Variants in GFRA1 observed in about 807,000 individuals in gnomAD.
GFRA1 encodes the protein GDNF family receptor alpha-1.
GFRA1 carries 16 observed loss-of-function variants against 51.6 expected under a neutral mutation model. The ratio of observed to expected loss-of-function variants is 0.31; its 90% CI spans 0.21 to 0.47. The LOEUF is 0.47. Ranked by LOEUF, GFRA1 falls within the 20% of genes least tolerant of loss-of-function variation. The probability of loss-of-function intolerance (pLI) is 1.00; values close to 1 mark genes in which losing one functional copy is unlikely to be tolerated. For synonymous variants in GFRA1, 270 were observed against 241.3 expected (o/e 1.12, Z -1.10); for missense variants, 530 against 594.3 (o/e 0.89, Z 1.13).
chr10:116,176,722 CTCCCTCCT>C (rs1374745606), intron 5 of GFRA1, among the ~76,000 whole-genome samples: 298 of 130,040 alleles, frequency 2.3e-3, no homozygotes, highest in South Asian at 4.0e-3. Flanking sequence ...CCCTCCCTCC[CTCCCTCCT>C]TCCTTCCTTC....
At chr10:116,163,938 T>C (rs1960106569) in intron 5 of GFRA1, among the ~76,000 whole-genome samples, 1 of 152,122 alleles carries the variant, frequency 6.6e-6, no homozygotes, top group African/African-American at 2.4e-5. Flanking sequence ...TCTTGCGCAA[T>C]GTCAGCAAGT....
Position 116,062,091 on chromosome 10 carries a change from T to C in GFRA1, c.*2307A>G, listed in dbSNP as rs1589755514. On this transcript the variant is annotated 3_prime_UTR_variant, in exon 11 of 11. Coordinates refer to ENST00000355422, the MANE Select transcript of GFRA1 (RefSeq NM_005264.8). ...TATATATTGCCTACCCATGCATTCT[T>C]CAATGAAGGCTGCCCTTGTTAGCGC... 4 of 398,622 alleles carry C rather than the reference T, an allele frequency of 1.0e-5. No individual in the cohort carries two copies. The East Asian group carries it at 1.4e-4, about 14-fold the overall frequency. 24.7% of individuals were successfully genotyped at this position (398,622 alleles called of 1,614,324 possible). A position where few individuals can be genotyped will look rare whatever the true frequency, so the allele number is the denominator to read the frequency against.
intron 5 of GFRA1, among the ~76,000 whole-genome samples, chr10:116,148,340 T>C (rs1958921426): frequency 6.6e-6 from 1 of 152,062 alleles, no homozygotes; most frequent in South Asian, 2.1e-4. Flanking sequence ...TTCCCATAGC[T>C]GGAAGCATGT....
At chr10:116,119,922 T>C (rs149667232) in intron 6 of GFRA1, among the ~76,000 whole-genome samples, 1,567 of 152,354 alleles carry the variant, frequency 0.01, 13 homozygotes, top group Non-Finnish European at 0.013. Context: ...ACCCCCAGTG[T>C]GGCAAATGTG....
intron 4 of GFRA1, among the ~76,000 whole-genome samples, chr10:116,235,160 T>C (rs1966852742): frequency 6.6e-6 from 1 of 152,174 alleles, no homozygotes. Context: ...CAGGAATATC[T>C]GTGCCTCTCT....
chr10:116,115,282 G>A (rs1426004817), intron 6 of GFRA1, among the ~76,000 whole-genome samples: 1 of 152,106 alleles, frequency 6.6e-6, no homozygotes, highest in Admixed American at 6.6e-5. Context: ...GTCTCCCTGG[G>A]TGGAGCAGGA....
chr10:116,068,586 T>G (rs1955227108), intron 9 of GFRA1, among the ~76,000 whole-genome samples: 1 of 152,174 alleles, frequency 6.6e-6, no homozygotes, highest in South Asian at 2.1e-4. Context: ...GCTAGTTGCA[T>G]GCTTATGAGT....
In GFRA1 at chr10:116,196,871, G is replaced by A. The variant is rs74788808; in HGVS notation, c.433+14760C>T. 9.8e-3 allele frequency among the ~76,000 whole-genome samples: 1,247 copies of A among 127,342 alleles called. 30 individuals carry two copies. The highest frequency in any genetic ancestry group is 0.036 in the African/African-American group (1,199 of 33,718). The allele number at this position is 127,342 out of a possible 152,430, so 83.5% of individuals were successfully genotyped here. ...TATTTTTTTTCCCTCCCACAGTTCT[G>A]GAGTCCAGAAGATCAAAATTAAGGT... On this transcript the variant is annotated intron_variant, in intron 5 of 10. Transcript: ENST00000355422.
At chr10:116,079,837 G>C (rs1278457472) in intron 9 of GFRA1, among the ~76,000 whole-genome samples, 1 of 152,156 alleles carries the variant, frequency 6.6e-6, no homozygotes, top group Non-Finnish European at 1.5e-5. Flanking sequence ...CCCACCCTCA[G>C]CAGAGAATAC....
intron 8 of GFRA1, among the ~76,000 whole-genome samples, chr10:116,092,132 C>CACACACAT (rs1956373497): frequency 6.6e-6 from 1 of 151,148 alleles, no homozygotes; most frequent in Non-Finnish European, 1.5e-5. Flanking sequence ...CACACACACA[C>CACACACAT]ACACACATTT....
chr10:116,215,855 G>A (rs74160655), intron 4 of GFRA1, among the ~76,000 whole-genome samples: 10 of 152,140 alleles, frequency 6.6e-5, no homozygotes, highest in African/African-American at 2.4e-4. Context: ...ACAAAGGAAA[G>A]CCTGTTCTCC....
At position 116,216,548 on chromosome 10, in the gene GFRA1, C is replaced by G. The variant is rs147759051; in HGVS notation, c.419-4903G>C. Among the ~76,000 whole-genome samples the G allele has an allele frequency of 7.2e-3, 1,093 of 152,312 alleles. 6 individuals are homozygous for G. Among genetic ancestry groups the G allele is most frequent in the Admixed American group, 0.01 (160 of 15,306 alleles). ...AGGTATGGCAAACAGTGAAACTGTG[C>G]GTGACTTCCATAAAACTGGGGGTGG... On this transcript the variant is annotated intron_variant, in intron 4 of 10. Coordinates refer to ENST00000355422, the MANE Select transcript of GFRA1 (RefSeq NM_005264.8).
At chr10:116,096,598 G>C in intron 7 of GFRA1, 57 bp downstream of exon 7, 1 of 925,024 alleles carries the variant, frequency 1.1e-6, no homozygotes, top group Non-Finnish European at 1.8e-6. Context: ...GCAATGGAAA[G>C]AACGCAGGTA....
chr10:116,258,289 TAGAG>T (rs942748105), intron 4 of GFRA1, among the ~76,000 whole-genome samples: 12 of 150,630 alleles, frequency 8.0e-5, no homozygotes, highest in East Asian at 3.9e-4. Flanking sequence ...TGAAAACTGA[TAGAG>T]ACTCTAAAAA....
At chr10:116,220,958 CTCTT>C (rs1187211199) in intron 4 of GFRA1, among the ~76,000 whole-genome samples, 1 of 152,164 alleles carries the variant, frequency 6.6e-6, no homozygotes, top group Non-Finnish European at 1.5e-5. Flanking sequence ...TTCTTTCTCT[CTCTT>C]TCTCTCTAAC....
intron 6 of GFRA1, among the ~76,000 whole-genome samples, chr10:116,116,008 C>T (rs371210975): frequency 4.2e-4 from 64 of 152,254 alleles, no homozygotes; most frequent in African/African-American, 1.3e-3. Flanking sequence ...CTTTGAGTAC[C>T]CCCGCCCACC....
At chr10:116,212,642 T>C (rs1445757774) in intron 4 of GFRA1, among the ~76,000 whole-genome samples, 1 of 152,048 alleles carries the variant, frequency 6.6e-6, no homozygotes, top group African/African-American at 2.4e-5. Context: ...TGGTTTTGAA[T>C]TTTATGTAAA....
At chr10:116,200,627 A>G (rs2134385440) in intron 5 of GFRA1, among the ~76,000 whole-genome samples, 1 of 152,268 alleles carries the variant, frequency 6.6e-6, no homozygotes, top group South Asian at 2.1e-4. Context: ...CGGGGTGGGG[A>G]TCTTGGTGAG....
intron 4 of GFRA1, among the ~76,000 whole-genome samples, chr10:116,268,317 A>G (rs952302598): frequency 6.6e-6 from 1 of 152,212 alleles, no homozygotes; most frequent in Non-Finnish European, 1.5e-5. Flanking sequence ...AATAATACCT[A>G]AGAAGCACTT....
Sources: gnomAD v4.1 joint callset for allele counts (sites outside exome capture counted in the v4.1 genomes callset) on GRCh38, gnomAD v4.1.1 for gene constraint, MANE v1.5 for transcripts, NCBI Gene and HGNC (gene_info 2026-07-23, HGNC 2026-07-21) for gene names.